The following NRXN1 variants were observed in gnomAD, a reference collection of about 807,000 sequenced individuals.
NRXN1 encodes the protein neurexin-1.
NRXN1 carries 39 observed loss-of-function variants against 150.9 expected under a neutral mutation model. The observed-to-expected ratio is 0.26, with a 90% CI of 0.20 to 0.34. The LOEUF is 0.34. Among genes scored for constraint, NRXN1 ranks in the 10% least tolerant of loss-of-function variants. NRXN1 has a pLI of 1.00. For synonymous variants in NRXN1, 924 were observed against 757.0 expected, an observed-to-expected ratio of 1.22 and a Z score of -3.62; for missense variants, 1,815 against 1,949.9, an observed-to-expected ratio of 0.93 and a Z score of 1.30.
chr2:50,207,941 T>C (rs1215303690), intron 18 of NRXN1, among the ~76,000 whole-genome samples: 1 of 152,100 alleles, frequency 6.6e-6, no homozygotes, highest in African/African-American at 2.4e-5. Context: ...TTTGAAGACC[T>C]GCTTTTCCCC....
chr2:49,922,280 A>AAAG (rs1456963471), intron 22 of NRXN1, 29 bp from the exon 23 acceptor site: 3 of 1,596,296 alleles, frequency 1.9e-6, no homozygotes, highest in Non-Finnish European at 2.6e-6. Context: ...GAACAAACAC[A>AAAG]AAGTGATCAT....
intron 5 of NRXN1, among the ~76,000 whole-genome samples, chr2:50,889,688 T>C (rs946203082): frequency 2.6e-5 from 4 of 151,704 alleles, no homozygotes; most frequent in African/African-American, 9.7e-5. Flanking sequence ...TTCATTTAAA[T>C]ATAGAATAAG....
Position 50,241,675 on chromosome 2 carries a change from A to T in NRXN1, c.3365-4705T>A, listed in dbSNP as rs368081433. 1.4e-4 allele frequency among the ~76,000 whole-genome samples: 21 copies of T among 151,922 alleles called. No homozygotes were observed. The South Asian group carries it at 4.4e-3, about 31-fold the overall frequency. ...TACACTCCAATAAATGTTTGTAAAA[A>T]ATATACATGGGCTCCCGTATCTCTT... On this transcript the variant is annotated intron_variant, in intron 17 of 22. Coordinates refer to ENST00000401669, the MANE Select transcript of NRXN1 (RefSeq NM_001330078.2).
chr2:50,573,442 A>T (rs1175279438), intron 8 of NRXN1, among the ~76,000 whole-genome samples: 2 of 152,110 alleles, frequency 1.3e-5, no homozygotes, highest in Non-Finnish European at 2.9e-5. Context: ...ATGGGAAAAC[A>T]TCTCATTTCT....
At chr2:50,767,996 T>C (rs1702565537) in intron 5 of NRXN1, among the ~76,000 whole-genome samples, 1 of 152,096 alleles carries the variant, frequency 6.6e-6, no homozygotes, top group Non-Finnish European at 1.5e-5. Flanking sequence ...TGGCCGATAA[T>C]TTATCATATT....
intron 8 of NRXN1, among the ~76,000 whole-genome samples, chr2:50,586,029 G>C (rs1673041495): frequency 6.6e-6 from 1 of 152,168 alleles, no homozygotes; most frequent in Non-Finnish European, 1.5e-5. Context: ...TCTGTTATTT[G>C]AAGCAAGAAG....
At chr2:49,951,386 A>G (rs1033839477) in intron 21 of NRXN1, among the ~76,000 whole-genome samples, 5 of 151,974 alleles carry the variant, frequency 3.3e-5, no homozygotes, top group African/African-American at 1.2e-4. Flanking sequence ...CTATGCTCAT[A>G]TTGCATTTCC....
intron 2 of NRXN1, among the ~76,000 whole-genome samples, chr2:51,002,751 T>C (rs1222998933): frequency 6.6e-6 from 1 of 151,980 alleles, no homozygotes; most frequent in Non-Finnish European, 1.5e-5. Context: ...TACTTAAAAA[T>C]GGAATGACGG....
chr2:50,944,468 T>C (rs1042633964), intron 2 of NRXN1, among the ~76,000 whole-genome samples: 1 of 152,194 alleles, frequency 6.6e-6, no homozygotes, highest in Non-Finnish European at 1.5e-5. Flanking sequence ...TCACATATAT[T>C]ATGTAACACA....
chr2:50,855,098 C>A (rs959691754), intron 5 of NRXN1, among the ~76,000 whole-genome samples: 1 of 151,836 alleles, frequency 6.6e-6, no homozygotes, highest in African/African-American at 2.4e-5. Context: ...TAGTGTGTGA[C>A]TGTTAAGAGG....
At chr2:50,839,058 T>C (rs531483584) in intron 5 of NRXN1, among the ~76,000 whole-genome samples, 150 of 152,268 alleles carry the variant, frequency 9.9e-4, no homozygotes, top group African/African-American at 3.5e-3. Context: ...TCATTTCCCC[T>C]TGGAGAACTG....
At chr2:50,202,160 A>G (rs2062215954) in intron 18 of NRXN1, among the ~76,000 whole-genome samples, 1 of 152,194 alleles carries the variant, frequency 6.6e-6, no homozygotes, top group Non-Finnish European at 1.5e-5. Flanking sequence ...GGCTACAGCA[A>G]ACGAAAGGAG....
At chr2:50,380,562 G>T (rs1158841468) in intron 17 of NRXN1, among the ~76,000 whole-genome samples, 1 of 152,074 alleles carries the variant, frequency 6.6e-6, no homozygotes, top group Admixed American at 6.6e-5. Context: ...CTATCTGACT[G>T]AGCCTCTGTT....
chr2:50,851,357 C>A (rs1488192343), intron 5 of NRXN1, among the ~76,000 whole-genome samples: 1 of 152,086 alleles, frequency 6.6e-6, no homozygotes, highest in Non-Finnish European at 1.5e-5. Flanking sequence ...CTCTCAAAGA[C>A]AATAATATTT....
chr2:50,710,369 T>C (rs894474210), intron 5 of NRXN1, among the ~76,000 whole-genome samples: 2 of 152,202 alleles, frequency 1.3e-5, no homozygotes, highest in Admixed American at 1.3e-4. Context: ...CCCACTTCTA[T>C]AAATATACAC....
intron 2 of NRXN1, among the ~76,000 whole-genome samples, chr2:51,016,807 A>T (rs1383852192): frequency 6.6e-6 from 1 of 152,164 alleles, no homozygotes; most frequent in Non-Finnish European, 1.5e-5. Flanking sequence ...ATGCACATAT[A>T]TGTTTATTGC....
intron 17 of NRXN1, among the ~76,000 whole-genome samples, chr2:50,386,921 C>A (rs2081365740): frequency 6.6e-6 from 1 of 152,100 alleles, no homozygotes; most frequent in African/African-American, 2.4e-5. Context: ...ATGCCTTATA[C>A]AATACTCCAT....
At chr2:50,626,922 A>G (rs1049604643) in intron 5 of NRXN1, among the ~76,000 whole-genome samples, 9 of 151,910 alleles carry the variant, frequency 5.9e-5, no homozygotes, top group African/African-American at 2.2e-4. Context: ...AATGAAGAAC[A>G]CACACAAAAG....
chr2:50,733,481 C>G (rs568936178), intron 5 of NRXN1, among the ~76,000 whole-genome samples: 4 of 152,010 alleles, frequency 2.6e-5, no homozygotes, highest in Non-Finnish European at 5.9e-5. Context: ...GATTAATGCC[C>G]AATAGTGACC....
Sources: gnomAD v4.1 joint callset for allele counts (sites outside exome capture counted in the v4.1 genomes callset) on GRCh38, gnomAD v4.1.1 for gene constraint, MANE v1.5 for transcripts, NCBI Gene and HGNC (gene_info 2026-07-23, HGNC 2026-07-21) for gene names.